CLMP: variants seen among roughly 807,000 people sequenced by gnomAD.
The protein encoded by CLMP is CXADR like cell adhesion molecule.
CLMP carries 27 observed loss-of-function variants against 45.2 expected under a neutral mutation model. The ratio of observed to expected loss-of-function variants is 0.60; its 90% CI spans 0.44 to 0.82. The LOEUF is 0.82. Ranked by LOEUF, CLMP falls within the 40% of genes least tolerant of loss-of-function variation. The pLI, the probability that CLMP is intolerant of heterozygous loss-of-function variation, is 0.00. For missense variants in CLMP, 403 were observed against 448.4 expected (o/e 0.90, Z 0.91); for synonymous variants, 167 against 171.4 (o/e 0.97, Z 0.20).
intron 1 of CLMP, among the ~76,000 whole-genome samples, chr11:123,103,535 C>A (rs1199758317): frequency 6.6e-6 from 1 of 152,010 alleles, no homozygotes; most frequent in East Asian, 1.9e-4. Context: ...TACAGCAGTG[C>A]AGGGAGGAGC....
chr11:123,098,919 T>C (rs1292689200), intron 1 of CLMP, among the ~76,000 whole-genome samples: 1 of 151,960 alleles, frequency 6.6e-6, no homozygotes, highest in Admixed American at 6.6e-5. Flanking sequence ...AGTCTTGAAC[T>C]CTTGACCTCA....
intron 4 of CLMP, 36 bp from the exon 5 acceptor site, chr11:123,083,243 A>T (rs369094090): frequency 6.3e-7 from 1 of 1,598,170 alleles, no homozygotes; most frequent in Admixed American, 1.7e-5. Flanking sequence ...AAATCCCTTT[A>T]GTGATGGTAT....
intron 1 of CLMP, among the ~76,000 whole-genome samples, chr11:123,150,483 G>GAA (rs1491432736): frequency 9.7e-5 from 9 of 92,316 alleles, no homozygotes; most frequent in Non-Finnish European, 1.5e-4. Context: ...AAGAAAGAAA[G>GAA]GAAGGAAGGA....
chr11:123,074,584 A>T, intron 6 of CLMP, 118 bp downstream of exon 6: 1 of 1,061,898 alleles, frequency 9.4e-7, no homozygotes, highest in South Asian at 1.5e-5. Flanking sequence ...ACCTACCAGG[A>T]TAATCCTTTT....
intron 5 of CLMP, among the ~76,000 whole-genome samples, chr11:123,081,884 A>G (rs956854997): frequency 2.6e-5 from 4 of 152,016 alleles, no homozygotes; most frequent in African/African-American, 9.7e-5. Context: ...AAAAGGAAAA[A>G]AAGAAAAACT....
chr11:123,089,692 G>C (rs1449140627), intron 2 of CLMP, among the ~76,000 whole-genome samples: 1 of 147,434 alleles, frequency 6.8e-6, no homozygotes, highest in East Asian at 2.1e-4. Context: ...CAGGAGAATG[G>C]CATGAACCCA....
intron 1 of CLMP, among the ~76,000 whole-genome samples, chr11:123,168,806 A>T (rs753618706): frequency 6.6e-6 from 1 of 152,160 alleles, no homozygotes; most frequent in Non-Finnish European, 1.5e-5. Flanking sequence ...ATATTGCATT[A>T]GATTAGGAGT....
intron 1 of CLMP, among the ~76,000 whole-genome samples, chr11:123,115,487 A>G (rs191714608): frequency 4.6e-5 from 7 of 152,318 alleles, no homozygotes; most frequent in Non-Finnish European, 8.8e-5. Flanking sequence ...GGCTTTCAGA[A>G]ACTACATGTC....
chr11:123,081,048 G>T (rs1035369356), intron 5 of CLMP, among the ~76,000 whole-genome samples: 1 of 152,100 alleles, frequency 6.6e-6, no homozygotes, highest in South Asian at 2.1e-4. Context: ...CGCTACTCGG[G>T]AGGCTGAAGC....
intron 1 of CLMP, among the ~76,000 whole-genome samples, chr11:123,129,615 T>C: frequency 7.2e-6 from 1 of 139,336 alleles, no homozygotes; most frequent in East Asian, 2.0e-4. Flanking sequence ...ATATATTATA[T>C]TTATATAATA....
At chr11:123,082,983 T>C in intron 5 of CLMP, 102 bp downstream of exon 5, 1 of 1,399,134 alleles carries the variant, frequency 7.1e-7, no homozygotes, top group Non-Finnish European at 9.8e-7. Context: ...ATAAAGATTT[T>C]GACCTTAACC....
intron 5 of CLMP, among the ~76,000 whole-genome samples, chr11:123,079,153 T>C (rs1865773124): frequency 6.6e-6 from 1 of 152,220 alleles, no homozygotes; most frequent in South Asian, 2.1e-4. Context: ...TGTACACTTA[T>C]CCTTCTTCTT....
intron 1 of CLMP, among the ~76,000 whole-genome samples, chr11:123,186,293 T>C (rs1183658409): frequency 6.6e-6 from 1 of 152,178 alleles, no homozygotes; most frequent in African/African-American, 2.4e-5. Flanking sequence ...TAAACATTAC[T>C]TAACACTGAA....
rs527619957 is a variant in CLMP at position 123,141,660 on chromosome 11, C to G, written c.29-43708G>C. 7.9e-5 allele frequency among the ~76,000 whole-genome samples: 12 copies of G among 152,226 alleles called. No homozygotes were observed. The South Asian group carries it at 1.2e-3, about 16-fold the overall frequency. On this transcript the variant is annotated intron_variant, in intron 1 of 6. Coordinates refer to ENST00000448775, the MANE Select transcript of CLMP (RefSeq NM_024769.5). ...TCTTCCTAAGCCCAAATCAAGTTAC[C>G]TGATTCTGGTTCAGAATGGGCTCTT...
At position 123,090,289 on chromosome 11, in the gene CLMP, C is replaced by CAA. The variant is rs762196704; in HGVS notation, c.187-5578_187-5577dup. On this transcript the variant is annotated intron_variant, in intron 2 of 6. Transcript: ENST00000448775. ...CGAAACCCCCATCTCCACTAAAATACAAAAAAAAAAAAAAAATAGCTGGGC... is the reference window on the plus strand; with the variant it reads ...CGAAACCCCCATCTCCACTAAAATACAAAAAAAAAAAAAAAAAATAGCTGGGC... 1.5e-3 allele frequency among the ~76,000 whole-genome samples: 170 copies of CAA among 116,340 alleles called. 1 individual carries two copies. Among genetic ancestry groups the CAA allele is most frequent in the African/African-American group, 2.8e-3 (91 of 33,072 alleles). The allele number at this position is 116,340 out of a possible 152,430, so 76.3% of individuals were successfully genotyped here.
intron 5 of CLMP, among the ~76,000 whole-genome samples, chr11:123,075,923 A>C (rs1865733384): frequency 6.6e-6 from 1 of 152,174 alleles, no homozygotes; most frequent in Admixed American, 6.5e-5. Flanking sequence ...CTGTAATCCC[A>C]GCACTTTGGG....
intron 5 of CLMP, 131 bp downstream of exon 5, chr11:123,082,954 T>A (rs1865822851): frequency 9.3e-7 from 1 of 1,078,676 alleles, no homozygotes; most frequent in African/African-American, 1.6e-5. Flanking sequence ...ATTTTGGTGA[T>A]AGCCATATCC....
At chr11:123,085,322 C>T (rs2135470166) in intron 2 of CLMP, among the ~76,000 whole-genome samples, 1 of 152,034 alleles carries the variant, frequency 6.6e-6, no homozygotes, top group South Asian at 2.1e-4. Flanking sequence ...AATCTTGGCT[C>T]ACTGTAACCT....
chr11:123,183,324 G>A (rs1024206147), intron 1 of CLMP, among the ~76,000 whole-genome samples: 3 of 152,054 alleles, frequency 2.0e-5, no homozygotes, highest in African/African-American at 2.4e-5. Flanking sequence ...TCCATCTCCC[G>A]GGTTCAAGTG....
Sources: gnomAD v4.1 joint callset for allele counts (sites outside exome capture counted in the v4.1 genomes callset) on GRCh38, gnomAD v4.1.1 for gene constraint, MANE v1.5 for transcripts, NCBI Gene and HGNC (gene_info 2026-07-23, HGNC 2026-07-21) for gene names.